Variants in RAB3GAP2 observed in about 807,000 individuals in gnomAD.
RAB3GAP2 encodes rab3 GTPase-activating protein non-catalytic subunit.
Under a neutral mutation model 185.3 loss-of-function variants are expected in RAB3GAP2, and 87 were observed. The observed-to-expected ratio is 0.47, with a 90% CI of 0.39 to 0.56. RAB3GAP2 has a LOEUF of 0.56. RAB3GAP2 is among the 20% of genes least tolerant of loss of function. The pLI, the probability that RAB3GAP2 is intolerant of heterozygous loss-of-function variation, is 0.00. For missense variants in RAB3GAP2, 1,492 were observed against 1,638.2 expected (o/e 0.91, Z 1.54); for synonymous variants, 554 against 576.1 (o/e 0.96, Z 0.55).
At position 220,207,397 on chromosome 1, in the gene RAB3GAP2, T is replaced by C. The variant is rs186133999; in HGVS notation, c.613-1391A>G. Among the ~76,000 whole-genome samples the C allele has an allele frequency of 1.3e-4, 20 of 152,376 alleles. 1 individual carries two copies. The East Asian group carries it at 1.9e-3, about 15-fold the overall frequency. On this transcript the variant is annotated intron_variant, in intron 7 of 34. Transcript: ENST00000358951. ...ATCCAAAAGGTGAAAAGTTATCTCA[T>C]TATATTTTCTTATAGTTCTTAGATT...
chr1:220,245,808 C>T (rs1659800240), intron 1 of RAB3GAP2, among the ~76,000 whole-genome samples: 1 of 152,222 alleles, frequency 6.6e-6, no homozygotes, highest in South Asian at 2.1e-4. Context: ...TCCCAGCAAG[C>T]AGCTGGAGAT....
In RAB3GAP2 at chr1:220,263,927, T is replaced by C. The variant is rs578100994; in HGVS notation, c.115+8296A>G. On this transcript the variant is annotated intron_variant, in intron 1 of 34. Transcript: ENST00000358951. ...TAGTATGTATCTCTTGCAAAAAATA[T>C]GTAATTTCTGTTATACTATAAACAT... is the stretch of plus-strand genomic sequence containing the variant. Among the ~76,000 whole-genome samples, 283 of 152,206 alleles carry C rather than the reference T, an allele frequency of 1.9e-3. 2 individuals carry two copies. Among genetic ancestry groups the C allele is most frequent in the Non-Finnish European group, 2.2e-3 (149 of 68,004 alleles).
chr1:220,254,952 CTTT>C (rs59174009), intron 1 of RAB3GAP2, among the ~76,000 whole-genome samples: 5 of 131,516 alleles, frequency 3.8e-5, no homozygotes, highest in Admixed American at 7.6e-5. Context: ...TCCATTTGTG[CTTT>C]TTTTTTTTTT....
In RAB3GAP2 at chr1:220,158,444, CT is replaced by C. The variant is rs869239032; in HGVS notation, c.3262-569del. ...AGGGACCACTGCATTTGTGTATAAT[CT>C]TTTTTTTTTTTTGAGACAGAGTTTC... is the stretch of plus-strand genomic sequence containing the variant. On this transcript the variant is annotated intron_variant, in intron 29 of 34. Coordinates refer to ENST00000358951, the MANE Select transcript of RAB3GAP2 (RefSeq NM_012414.4). This position sits in a 1 kb window ranked among gnomAD's most constrained non-coding sequence, Gnocchi z 4.3. Among the ~76,000 whole-genome samples, 282 of 144,738 alleles carry C rather than the reference CT, an allele frequency of 1.9e-3. No homozygotes were observed. Among genetic ancestry groups the C allele is most frequent in the Middle Eastern group, 7.2e-3 (2 of 276 alleles). 95.0% of individuals were successfully genotyped at this position (144,738 alleles called of 152,430 possible).
intron 8 of RAB3GAP2, among the ~76,000 whole-genome samples, 154 bp downstream of exon 8, chr1:220,205,753 A>C (rs1287909341): frequency 6.6e-6 from 1 of 152,182 alleles, no homozygotes; most frequent in African/African-American, 2.4e-5. Context: ...AATCTACTCA[A>C]CATGCTCCCC....
intron 17 of RAB3GAP2, among the ~76,000 whole-genome samples, chr1:220,187,057 A>G (rs1428364689): frequency 2.0e-5 from 3 of 152,222 alleles, no homozygotes; most frequent in Non-Finnish European, 4.4e-5. Flanking sequence ...ACAATAACTC[A>G]ATAAAGTGTT....
At chr1:220,272,122 A>G in intron 1 of RAB3GAP2, 101 bp downstream of exon 1, 1 of 1,009,000 alleles carries the variant, frequency 9.9e-7, no homozygotes, top group South Asian at 1.4e-5. Flanking sequence ...GGGGGTCCAG[A>G]GGGCAGAGGC....
At chr1:220,242,359 A>G (rs1659711339) in intron 1 of RAB3GAP2, among the ~76,000 whole-genome samples, 1 of 152,146 alleles carries the variant, frequency 6.6e-6, no homozygotes, top group South Asian at 2.1e-4. Flanking sequence ...AATGCTGGGG[A>G]TATAAGAAAT....
At chr1:220,212,800 G>T in intron 4 of RAB3GAP2, 87 bp downstream of exon 4, 1 of 1,152,266 alleles carries the variant, frequency 8.7e-7, no homozygotes, top group Non-Finnish European at 1.3e-6. Context: ...ATCAAATAAT[G>T]AAACTTTTTA....
In RAB3GAP2 at chr1:220,191,235, A is replaced by T. The variant is rs1658613208; in HGVS notation, c.1320T>A (p.His440Gln). Residue 440 changes from histidine to glutamine, a missense_variant, in exon 14 of 35, where the codon CAT becomes CAA. Physicochemically the swap from His to Gln is conservative, Grantham distance 24. Transcript: ENST00000358951. Reference sequence around the variant, plus strand: ...AATCTGCCTTTTCTGGCACTCTTTCATGGAGGTCCTCTACAGTTTGAATCC... The same window carrying T: ...AATCTGCCTTTTCTGGCACTCTTTCTTGGAGGTCCTCTACAGTTTGAATCC... ...IGWIQTVEDLHERVPEKADFS... is the reference protein window; with the variant it reads ...IGWIQTVEDLQERVPEKADFS... The T allele has an allele frequency of 1.2e-6, 2 of 1,613,580 alleles. No homozygotes were observed. The highest frequency in any genetic ancestry group is 1.7e-5 in the Admixed American group (1 of 59,944).
intron 1 of RAB3GAP2, among the ~76,000 whole-genome samples, chr1:220,250,586 G>T (rs1166174293): frequency 1.3e-5 from 2 of 152,148 alleles, no homozygotes; most frequent in African/African-American, 4.8e-5. Context: ...CATGAGATTT[G>T]GGAGGAGACA....
At chr1:220,242,515 G>A (rs985645489) in intron 1 of RAB3GAP2, among the ~76,000 whole-genome samples, 3 of 114,186 alleles carry the variant, frequency 2.6e-5, no homozygotes, top group African/African-American at 1.5e-4. Context: ...TTGAAATGAA[G>A]GTTTCCGTGC....
At chr1:220,168,178 C>T (rs181515038) in intron 24 of RAB3GAP2, among the ~76,000 whole-genome samples, 2 of 152,094 alleles carry the variant, frequency 1.3e-5, no homozygotes, top group East Asian at 1.9e-4. Context: ...CTGCAACCTC[C>T]GCCTCCCAGG....
intron 2 of RAB3GAP2, among the ~76,000 whole-genome samples, chr1:220,216,097 C>T (rs996156112): frequency 2.6e-5 from 4 of 151,964 alleles, no homozygotes; most frequent in African/African-American, 9.7e-5. Flanking sequence ...TAGAAATACC[C>T]CAAAATGAGC....
At chr1:220,201,280 A>C (rs769846320) in intron 9 of RAB3GAP2, among the ~76,000 whole-genome samples, 9 of 152,062 alleles carry the variant, frequency 5.9e-5, no homozygotes, top group Non-Finnish European at 1.0e-4. Context: ...TCTTGGGCTC[A>C]AGAGATCCTC....
chr1:220,171,102 C>G lies in RAB3GAP2; in HGVS notation c.2596G>C (p.Gly866Arg), dbSNP rs144599948. The G allele has an allele frequency of 1.2e-6, 2 of 1,613,926 alleles. No individual in the cohort carries two copies. The highest frequency in any genetic ancestry group is 2.7e-5 in the African/African-American group (2 of 74,898). ...TCAGTGAGGGCCTCTGAATCAGCACCCAAAACTGTTTGGGAAAACTAATAA... is the reference window on the plus strand; with the variant it reads ...TCAGTGAGGGCCTCTGAATCAGCACGCAAAACTGTTTGGGAAAACTAATAA... ...TEKKFSQTVL[G>R]ADSEALTDSW... The change falls in exon 24 of 35, where the codon GGT becomes CGT. Residue 866 changes from glycine to arginine, a missense_variant. Coordinates refer to ENST00000358951, the MANE Select transcript of RAB3GAP2 (RefSeq NM_012414.4).
At chr1:220,247,605 T>C (rs1203872497) in intron 1 of RAB3GAP2, among the ~76,000 whole-genome samples, 1 of 150,892 alleles carries the variant, frequency 6.6e-6, no homozygotes, top group Non-Finnish European at 1.5e-5. Context: ...TGAGGGGAGG[T>C]TGGGAGGGAG....
chr1:220,211,910 G>C (rs1659091633), intron 4 of RAB3GAP2, among the ~76,000 whole-genome samples: 1 of 152,194 alleles, frequency 6.6e-6, no homozygotes, highest in South Asian at 2.1e-4. Context: ...TTTGATGATA[G>C]AGAATATTTC....
At chr1:220,260,122 T>G (rs1386815888) in intron 1 of RAB3GAP2, among the ~76,000 whole-genome samples, 1 of 152,204 alleles carries the variant, frequency 6.6e-6, no homozygotes, top group Non-Finnish European at 1.5e-5. Context: ...GAAAAAGGAA[T>G]GCTTTTACAC....
Sources: allele counts gnomAD v4.1 joint callset (sites outside exome capture counted in the v4.1 genomes callset), GRCh38; gene constraint gnomAD v4.1.1; non-coding constraint Gnocchi (gnomAD v3.1); transcripts MANE v1.5; gene names NCBI Gene and HGNC (gene_info 2026-07-23, HGNC 2026-07-21).